The following CNTNAP1 variants were observed in gnomAD, a reference collection of about 807,000 sequenced individuals.
CNTNAP1 encodes the protein contactin-associated protein 1.
Under a neutral mutation model 161.5 loss-of-function variants are expected in CNTNAP1, and 80 were observed. That is an observed-to-expected ratio of 0.50 (90% CI 0.41 to 0.60). The LOEUF (loss-of-function observed/expected upper bound fraction) is 0.60. Ranked by LOEUF, CNTNAP1 falls within the 20% of genes least tolerant of loss-of-function variation. The pLI is 0.00. For missense variants in CNTNAP1, 1,464 were observed against 1,854.8 expected (o/e 0.79, Z 3.87); for synonymous variants, 695 against 733.1 (o/e 0.95, Z 0.84).
In CNTNAP1 at chr17:42,691,233, T is replaced by C. The variant is rs2053082290; in HGVS notation, c.2156T>C (p.Leu719Pro). ...QPGIQRCACGLDRSCVDPALY... is the reference protein window; with the variant it reads ...QPGIQRCACGPDRSCVDPALY... ...GGGATCCAGCGCTGTGCCTGTGGTCTGGACCGGAGCTGTGTGGACCCTGCC... is the reference window on the plus strand; with the variant it reads ...GGGATCCAGCGCTGTGCCTGTGGTCCGGACCGGAGCTGTGTGGACCCTGCC... Residue 719 changes from leucine to proline, a missense_variant, in exon 14 of 24, where the codon CTG becomes CCG. Coordinates refer to ENST00000264638, the MANE Select transcript of CNTNAP1 (RefSeq NM_003632.3). This position sits in a 1 kb window ranked among gnomAD's most constrained non-coding sequence, Gnocchi z 4.3. 1.2e-6 allele frequency: 2 copies of C among 1,614,076 alleles called. No homozygotes were observed. Among genetic ancestry groups the C allele is most frequent in the Non-Finnish European group, 1.7e-6 (2 of 1,180,022 alleles).
At position 42,687,879 on chromosome 17, in the gene CNTNAP1, C is replaced by G. The variant is rs372495374; in HGVS notation, c.1204C>G (p.Arg402Gly). 3.1e-6 allele frequency: 5 copies of G among 1,614,108 alleles called. No individual in the cohort carries two copies. Among genetic ancestry groups the G allele is most frequent in the Non-Finnish European group, 4.2e-6 (5 of 1,180,050 alleles). ...WDLTGLLLFSRLGDGLGHVEL... is the reference protein window; with the variant it reads ...WDLTGLLLFSGLGDGLGHVEL... ...CCTCACCGGGCTTCTCCTTTTCTCC[C>G]GTCTGGGGGACGGGCTGGGCCACGT... is the stretch of plus-strand genomic sequence containing the variant. Residue 402 changes from arginine to glycine, a missense_variant, in exon 8 of 24, where the codon CGT becomes GGT. Arg to Gly is a moderately radical substitution (Grantham distance 125). Around this residue, in one of 3 missense-constraint regions of CNTNAP1, gnomAD observed 1,383 missense variants for 1,765.0 expected, o/e 0.78. Transcript: ENST00000264638. The surrounding 1 kb of genome is among the most constrained non-coding windows in gnomAD (Gnocchi z 4.7).
In CNTNAP1 at chr17:42,687,406, T is replaced by C; in HGVS notation, c.1045-314T>C. ...AACCCTCTCCGACTCTGGAGCTCTG[T>C]TGGGAAGCTGGCAGGAGCCAGGTCT... is the stretch of plus-strand genomic sequence containing the variant. On this transcript the variant is annotated intron_variant, in intron 7 of 23. Transcript: ENST00000264638. The surrounding 1 kb of genome is among the most constrained non-coding windows in gnomAD (Gnocchi z 4.7). 4 of 514,866 alleles carry C rather than the reference T, an allele frequency of 7.8e-6. No individual in the cohort carries two copies. The highest frequency in any genetic ancestry group is 5.0e-5 in the South Asian group (2 of 40,152). The allele number at this position is 514,866 out of a possible 1,614,324, so 31.9% of individuals were successfully genotyped here.
chr17:42,698,908 T>C lies in CNTNAP1; in HGVS notation c.4153T>C (p.Ter1385ArgextTer12). 2.6e-6 allele frequency: 4 copies of C among 1,520,712 alleles called. No individual in the cohort carries two copies. Among genetic ancestry groups the C allele is most frequent in the Non-Finnish European group, 2.6e-6 (3 of 1,139,508 alleles). 94.2% of individuals were successfully genotyped at this position (1,520,712 alleles called of 1,614,324 possible). A position where few individuals can be genotyped will look rare whatever the true frequency, so the allele number is the denominator to read the frequency against. ...PQILEESRSE[*>R] ...GATCCTGGAGGAGTCCAGGTCTGAA[T>C]GAGTCAGAAGGGCTTCTGGGACCAA... is the stretch of plus-strand genomic sequence containing the variant. The change falls in exon 24 of 24, where the codon TGA becomes CGA. Residue 1385 changes from the stop codon to arginine, a stop_lost. Coordinates refer to ENST00000264638, the MANE Select transcript of CNTNAP1 (RefSeq NM_003632.3).
At position 42,683,860 on chromosome 17, in the gene CNTNAP1, G is replaced by A. The variant is rs1342318096; in HGVS notation, c.107G>A (p.Arg36His). ...GAGCTGGTGGGTCCCCTGTATGCAC[G>A]CTCCCTGGGCGCCTCCTCCTACTAC... is the stretch of plus-strand genomic sequence containing the variant. Reference protein sequence around the residue: ...DEELVGPLYARSLGASSYYSL... With the variant: ...DEELVGPLYAHSLGASSYYSL... Residue 36 changes from arginine to histidine, a missense_variant, in exon 2 of 24, where the codon CGC becomes CAC. Around this residue, in one of 3 missense-constraint regions of CNTNAP1, gnomAD observed 77 missense variants for 73.6 expected, o/e 1.05. Transcript: ENST00000264638. The A allele has an allele frequency of 1.9e-6, 3 of 1,612,834 alleles. No homozygotes were observed. Among genetic ancestry groups the A allele is most frequent in the East Asian group, 2.2e-5 (1 of 44,876 alleles).
rs576868740 is a variant in CNTNAP1 at position 42,698,758 on chromosome 17, C to A, written c.4003C>A (p.Pro1335Thr). The change falls in exon 24 of 24, where the codon CCC becomes ACC. Residue 1335 changes from proline (P) to threonine (T), a missense_variant. By Grantham distance (38) the Pro-to-Thr change is conservative (BLOSUM62 -1). This residue lies in a region of CNTNAP1 where 1,383 missense variants were observed against 1,765.0 expected (regional missense o/e 0.78). Transcript: ENST00000264638. Reference protein sequence around the residue: ...EYHPGSKPPLPTSGPAQVPTP... With the variant: ...EYHPGSKPPLTTSGPAQVPTP... The stretch of plus-strand genomic sequence containing the variant: ...CCATCCTGGCAGCAAACCTCCCCTA[C>A]CCACTTCAGGCCCTGCCCAGGTCCC... 2.0e-5 allele frequency: 33 copies of A among 1,613,104 alleles called. No individual in the cohort carries two copies. In the South Asian group the frequency reaches 3.5e-4, roughly 17 times the overall value.
chr17:42,691,146 C>T lies in CNTNAP1; in HGVS notation c.2069C>T (p.Pro690Leu). Residue 690 changes from proline to leucine, a missense_variant, in exon 14 of 24, where the codon CCC (proline) becomes CTC (leucine). Pro to Leu is a moderately conservative substitution (Grantham distance 98, BLOSUM62 -3). Around this residue, in one of 3 missense-constraint regions of CNTNAP1, gnomAD observed 1,383 missense variants for 1,765.0 expected, o/e 0.78. Coordinates refer to ENST00000264638, the MANE Select transcript of CNTNAP1 (RefSeq NM_003632.3). The surrounding 1 kb of genome is among the most constrained non-coding windows in gnomAD (Gnocchi z 4.3). ...SRLLNTAGGY[P>L]YSFWIGRNEE... ...TGCACCTCTTCCCCAGGAGGCTACC[C>T]CTACAGCTTTTGGATTGGCCGAAAT... 1 of 1,614,018 alleles carries T rather than the reference C, an allele frequency of 6.2e-7. No individual in the cohort carries two copies. The highest frequency in any genetic ancestry group is 1.7e-5 in the Admixed American group (1 of 60,018).
In CNTNAP1 at chr17:42,684,158, A is replaced by T; in HGVS notation, c.292A>T (p.Thr98Ser). 6.2e-7 allele frequency: 1 copy of T among 1,614,210 alleles called. No individual in the cohort carries two copies. The highest frequency in any genetic ancestry group is 8.5e-7 in the Non-Finnish European group (1 of 1,180,040). ...CTCCTTTAATTCTTGGGACTGGGTC[A>T]CACGTTACATGCTACTCTACGGCGA... ...QGSFNSWDWV[T>S]RYMLLYGDRV... Residue 98 changes from threonine (T) to serine (S), a missense_variant, in exon 3 of 24, where the codon ACA becomes TCA. Thr to Ser is a moderately conservative substitution (Grantham distance 58). This residue lies in a region of CNTNAP1 where 1,383 missense variants were observed against 1,765.0 expected (regional missense o/e 0.78). Coordinates refer to ENST00000264638, the MANE Select transcript of CNTNAP1 (RefSeq NM_003632.3).
In CNTNAP1 at chr17:42,683,932, G is replaced by A. The variant is rs1191904556; in HGVS notation, c.169+10G>A. On this transcript the variant is annotated intron_variant, in intron 2 of 23. Coordinates refer to ENST00000264638, the MANE Select transcript of CNTNAP1 (RefSeq NM_003632.3). Reference sequence around the variant, plus strand: ...TTCGCCAGGCTGCACGGTGAGCTCCGCGGAACATCAGCTGCCAACTGGCAG... The same window carrying A: ...TTCGCCAGGCTGCACGGTGAGCTCCACGGAACATCAGCTGCCAACTGGCAG... 2.5e-6 allele frequency: 4 copies of A among 1,613,708 alleles called. No homozygotes were observed. The highest frequency in any genetic ancestry group is 1.7e-5 in the Admixed American group (1 of 59,990).
At chr17:42,690,645 G>T (rs2053072922) in intron 12 of CNTNAP1, 94 bp from the exon 13 acceptor site, 1 of 1,289,646 alleles carries the variant, frequency 7.8e-7, no homozygotes, top group Non-Finnish European at 1.1e-6. Context: ...ACGTTCAGTG[G>T]CTCTGAGTTG....
chr17:42,684,447 G>T (rs550384955), intron 3 of CNTNAP1, among the ~76,000 whole-genome samples: 1 of 152,304 alleles, frequency 6.6e-6, no homozygotes, highest in Non-Finnish European at 1.5e-5. Context: ...GTAAAACCTG[G>T]GAGAGCTTCC....
At position 42,692,544 on chromosome 17, in the gene CNTNAP1, A is replaced by G; in HGVS notation, c.2576A>G (p.Glu859Gly). ...VFAFDVGNGD[E>G]NLTVHSDDFE... ...GCCTTTGATGTGGGGAATGGGGATG[A>G]GAACCTCACAGTACACTCAGACGAC... Residue 859 changes from glutamate (E) to glycine (G), a missense_variant, in exon 17 of 24, where the codon GAG (glutamate) becomes GGG (glycine). Glu to Gly is a moderately conservative substitution (Grantham distance 98). This residue lies in a region of CNTNAP1 where 1,383 missense variants were observed against 1,765.0 expected (regional missense o/e 0.78). Transcript: ENST00000264638. 1 of 1,614,188 alleles carries G rather than the reference A, an allele frequency of 6.2e-7. No individual in the cohort carries two copies.
chr17:42,683,042 C>T lies in CNTNAP1; in HGVS notation c.67+146C>T, dbSNP rs1210484047. On this transcript the variant is annotated intron_variant, in intron 1 of 23. Transcript: ENST00000264638. ...GGCTCTCATCTTTTCCTGCCTCTCC[C>T]CCGCGCTCCGCATTGCAGCTCTGAG... is the stretch of plus-strand genomic sequence containing the variant. 5.1e-6 allele frequency: 4 copies of T among 779,586 alleles called. No homozygotes were observed. In the Admixed American group the frequency reaches 8.8e-5, roughly 17 times the overall value. 48.3% of individuals were successfully genotyped at this position (779,586 alleles called of 1,614,324 possible).
Position 42,687,056 on chromosome 17 carries a change from CA to C in CNTNAP1, c.1044+11del. ...CCGGATCACCTTCGAGGCCAGTGGGCAGGGGGGTCTGGGAGGACAGGATATC... is the reference window on the plus strand; with the variant it reads ...CCGGATCACCTTCGAGGCCAGTGGGCGGGGGGTCTGGGAGGACAGGATATC... On this transcript the variant is annotated intron_variant, in intron 7 of 23. Transcript: ENST00000264638. The surrounding 1 kb of genome is among the most constrained non-coding windows in gnomAD (Gnocchi z 4.7). 1 of 1,608,008 alleles carries C rather than the reference CA, an allele frequency of 6.2e-7. No individual in the cohort carries two copies. The highest frequency in any genetic ancestry group is 8.5e-7 in the Non-Finnish European group (1 of 1,175,162).
rs141438939 is a variant in CNTNAP1, at chr17:42,686,203, C to T, written c.900+62C>T. On this transcript the variant is annotated intron_variant, in intron 6 of 23. Coordinates refer to ENST00000264638, the MANE Select transcript of CNTNAP1 (RefSeq NM_003632.3). ...AGATGCTGGATGAGTGAGTGCAGGTCGGTCTCTCCCTTTCTCTTTTCCTCT... is the reference window on the plus strand; with the variant it reads ...AGATGCTGGATGAGTGAGTGCAGGTTGGTCTCTCCCTTTCTCTTTTCCTCT... 53 of 1,519,580 alleles carry T rather than the reference C, an allele frequency of 3.5e-5. No individual in the cohort carries two copies. The African/African-American group carries it at 4.9e-4, about 14-fold the overall frequency. The allele number at this position is 1,519,580 out of a possible 1,614,324, so 94.1% of individuals were successfully genotyped here.
In CNTNAP1 at chr17:42,687,339, A is replaced by T; in HGVS notation, c.1044+293A>T. 1 of 501,530 alleles carries T rather than the reference A, an allele frequency of 2.0e-6. No homozygotes were observed. Among genetic ancestry groups the T allele is most frequent in the Non-Finnish European group, 3.6e-6 (1 of 281,496 alleles). The allele number at this position is 501,530 out of a possible 1,614,324, so 31.1% of individuals were successfully genotyped here. On this transcript the variant is annotated intron_variant, in intron 7 of 23. Transcript: ENST00000264638. The surrounding 1 kb of genome is among the most constrained non-coding windows in gnomAD (Gnocchi z 4.7). Reference sequence around the variant, plus strand: ...GGGTCGTGCAGCTGCACGGTGGCTGAGTAGGGACTTGAACCGATGGCTTCT... The same window carrying T: ...GGGTCGTGCAGCTGCACGGTGGCTGTGTAGGGACTTGAACCGATGGCTTCT...
At position 42,685,137 on chromosome 17, in the gene CNTNAP1, C is replaced by T. The variant is rs1299578427; in HGVS notation, c.510C>T (p.Tyr170=). Residue 170 remains tyrosine, a splice_region_variant and synonymous_variant, in exon 4 of 24, where the codon TAC becomes TAT. Transcript: ENST00000264638. This position sits in a 1 kb window ranked among gnomAD's most constrained non-coding sequence, Gnocchi z 5.0. ...GGCTCGGCCTCTATGGCTGCCCATA[C>T]AGTAAGTGTGCAGAGAGCGCGGAGG... The part of the protein sequence containing the change: ...GLRLGLYGCP[Y]KADILYFDGD... 6.3e-7 allele frequency: 1 copy of T among 1,594,942 alleles called. No individual in the cohort carries two copies. The highest frequency in any genetic ancestry group is 1.7e-5 in the Admixed American group (1 of 59,056).
intron 18 of CNTNAP1, 79 bp from the exon 19 acceptor site, chr17:42,695,442 G>A (rs561499071): frequency 1.8e-6 from 2 of 1,117,148 alleles, no homozygotes; most frequent in Non-Finnish European, 2.6e-6. Flanking sequence ...GTCTCAGGAT[G>A]TGTGTATGGA....
intron 11 of CNTNAP1, 24 bp downstream of exon 11, chr17:42,689,651 G>T (rs1024399380): frequency 1.3e-6 from 2 of 1,591,914 alleles, no homozygotes; most frequent in Non-Finnish European, 1.7e-6. Flanking sequence ...GGTATGGGGG[G>T]AGTCAGGGAC....
At chr17:42,692,354 G>A (rs1005630125) in intron 16 of CNTNAP1, 145 bp from the exon 17 acceptor site, 36 of 705,152 alleles carry the variant, frequency 5.1e-5, no homozygotes, top group Middle Eastern at 7.8e-4. Flanking sequence ...CAGCTGGTAA[G>A]TTTCAATGCA....
Sources: allele counts gnomAD v4.1 joint callset (sites outside exome capture counted in the v4.1 genomes callset), GRCh38; gene constraint gnomAD v4.1.1; regional missense constraint gnomAD v4.1.1; non-coding constraint Gnocchi (gnomAD v3.1); transcripts MANE v1.5; gene names NCBI Gene and HGNC (gene_info 2026-07-23, HGNC 2026-07-21).